The following IL1RAPL1 variants were observed in gnomAD, a reference collection of about 807,000 sequenced individuals.
IL1RAPL1 encodes the protein interleukin-1 receptor accessory protein-like 1.
Under a neutral mutation model 48.4 loss-of-function variants are expected in IL1RAPL1, and 3 were observed. The ratio of observed to expected loss-of-function variants is 0.06; its 90% CI spans 0.03 to 0.16. The LOEUF is 0.16. IL1RAPL1 is among the 10% of genes least tolerant of loss of function. IL1RAPL1 has a pLI of 1.00. For missense variants in IL1RAPL1, 349 were observed against 530.6 expected, an observed-to-expected ratio of 0.66 and a Z score of 3.36; for synonymous variants, 185 against 187.7, an observed-to-expected ratio of 0.99 and a Z score of 0.12.
chrX:28,915,270 A>G (rs772976502), intron 2 of IL1RAPL1, among the ~76,000 whole-genome samples: 1 of 111,533 alleles, frequency 9.0e-6, no homozygotes, highest in African/African-American at 3.3e-5. Flanking sequence ...GCCATAGACC[A>G]GTACCAGTCC....
chrX:29,942,995 A>G (rs2147252341), intron 9 of IL1RAPL1, among the ~76,000 whole-genome samples: 1 of 110,082 alleles, frequency 9.1e-6, no homozygotes. Context: ...AAAATGAGGC[A>G]ATTGCCTATG....
At chrX:28,836,372 G>C (rs865791563) in intron 2 of IL1RAPL1, among the ~76,000 whole-genome samples, 122 of 93,435 alleles carry the variant, frequency 1.3e-3, no homozygotes, top group African/African-American at 6.0e-3. Flanking sequence ...ATGACAGAGA[G>C]AGAGAGAGAG....
chrX:29,497,428 TTG>T (rs1181687129), intron 5 of IL1RAPL1, among the ~76,000 whole-genome samples: 7 of 112,016 alleles, frequency 6.2e-5, no homozygotes, highest in African/African-American at 2.3e-4. Context: ...AGAATAGCTG[TTG>T]ACAGTAATTA....
chrX:29,880,149 A>AGAT (rs200194048), intron 6 of IL1RAPL1, among the ~76,000 whole-genome samples: 1,121 of 111,567 alleles, frequency 0.01, 13 homozygotes, highest in African/African-American at 0.033. Flanking sequence ...ATGGAAAGAT[A>AGAT]GATACTATCA....
intron 1 of IL1RAPL1, among the ~76,000 whole-genome samples, chrX:28,656,563 G>T (rs374466285): frequency 3.6e-5 from 4 of 110,773 alleles, no homozygotes; most frequent in African/African-American, 1.3e-4. Context: ...CACAGCATTT[G>T]CCCTATGCCT....
At chrX:29,521,611 G>A (rs1935503794) in intron 5 of IL1RAPL1, among the ~76,000 whole-genome samples, 1 of 112,184 alleles carries the variant, frequency 8.9e-6, no homozygotes, top group Admixed American at 9.4e-5. Context: ...ACTTACAGTA[G>A]CAGAAAAGGT....
intron 1 of IL1RAPL1, among the ~76,000 whole-genome samples, chrX:28,644,118 G>GTT (rs1213943515): frequency 8.3e-5 from 9 of 107,929 alleles, no homozygotes; most frequent in African/African-American, 1.7e-4. Flanking sequence ...TCTCCTAAGT[G>GTT]TTATATATAT....
intron 6 of IL1RAPL1, among the ~76,000 whole-genome samples, chrX:29,730,399 C>G (rs960638376): frequency 8.9e-6 from 1 of 112,190 alleles, no homozygotes; most frequent in Non-Finnish European, 1.9e-5. Flanking sequence ...AACTAAGCAA[C>G]TTATTTCTAT....
chrX:29,740,122 G>GAAAAAAAAAAAAAAAAA (rs1172511347), intron 6 of IL1RAPL1, among the ~76,000 whole-genome samples: 1 of 52,330 alleles, frequency 1.9e-5, no homozygotes, highest in Non-Finnish European at 3.7e-5. Flanking sequence ...CAAAAAAACA[G>GAAAAAAAAAAAAAAAAA]AAAAAAAAAA....
chrX:29,558,994 T>C (rs1290018165), intron 5 of IL1RAPL1, among the ~76,000 whole-genome samples: 2 of 112,045 alleles, frequency 1.8e-5, no homozygotes, highest in African/African-American at 6.5e-5. Context: ...TTGCTCAAGG[T>C]TATTATGGCT....
At chrX:29,494,181 G>C (rs187967441) in intron 5 of IL1RAPL1, among the ~76,000 whole-genome samples, 1 of 111,769 alleles carries the variant, frequency 8.9e-6, no homozygotes, top group African/African-American at 3.3e-5. Flanking sequence ...GATTACAGGC[G>C]TAAGCCACCG....
intron 2 of IL1RAPL1, among the ~76,000 whole-genome samples, chrX:29,142,524 C>T (rs1047784162): frequency 8.9e-6 from 1 of 111,835 alleles, no homozygotes; most frequent in Non-Finnish European, 1.9e-5. Flanking sequence ...AATTTGAATA[C>T]GTACTATAGA....
rs1410332596 is a variant in IL1RAPL1, at chrX:29,014,862, T to G, written c.82+225437T>G. ...CTAATGCTTAGATATTTAAATGTGG[T>G]GATTATGCTCTCATGAATATTTAAA... On this transcript the variant is annotated intron_variant, in intron 2 of 10. Coordinates refer to ENST00000378993, the MANE Select transcript of IL1RAPL1 (RefSeq NM_014271.4). Among the ~76,000 whole-genome samples, 3 of 111,797 alleles carry G rather than the reference T, an allele frequency of 2.7e-5. No homozygotes were observed. In the East Asian group the frequency reaches 8.4e-4, roughly 31 times the overall value.
chrX:29,123,932 AAAATT>A (rs1928849539), intron 2 of IL1RAPL1, among the ~76,000 whole-genome samples: 1 of 100,555 alleles, frequency 9.9e-6, no homozygotes, highest in African/African-American at 4.0e-5. Flanking sequence ...GCATATTATT[AAAATT>A]AAATTTAGGG....
intron 2 of IL1RAPL1, among the ~76,000 whole-genome samples, chrX:29,234,003 T>A (rs1931246742): frequency 9.0e-6 from 1 of 111,336 alleles, no homozygotes; most frequent in Non-Finnish European, 1.9e-5. Flanking sequence ...GGAACAGAGA[T>A]CTATAACCAC....
intron 2 of IL1RAPL1, among the ~76,000 whole-genome samples, chrX:29,180,111 A>T (rs986938320): frequency 3.6e-5 from 4 of 110,243 alleles, no homozygotes; most frequent in African/African-American, 1.3e-4. Context: ...AGATTTCACT[A>T]ATCCTTGTAT....
At chrX:28,637,160 A>C (rs906708288) in intron 1 of IL1RAPL1, among the ~76,000 whole-genome samples, 2 of 111,300 alleles carry the variant, frequency 1.8e-5, no homozygotes, top group African/African-American at 3.3e-5. Context: ...ACCTTTTGCC[A>C]TGTCCCCCAC....
chrX:29,823,237 C>A (rs1291273637), intron 6 of IL1RAPL1, among the ~76,000 whole-genome samples: 1 of 111,297 alleles, frequency 9.0e-6, no homozygotes, highest in Non-Finnish European at 1.9e-5. Flanking sequence ...TGGGGAAATC[C>A]ACTATGAGAT....
At chrX:28,993,306 T>C (rs1925654536) in intron 2 of IL1RAPL1, among the ~76,000 whole-genome samples, 1 of 111,810 alleles carries the variant, frequency 8.9e-6, no homozygotes, top group Non-Finnish European at 1.9e-5. Context: ...ATTATTGCTA[T>C]ATGATATAAA....
Sources: allele counts gnomAD v4.1 joint callset (sites outside exome capture counted in the v4.1 genomes callset), GRCh38; gene constraint gnomAD v4.1.1; transcripts MANE v1.5; gene names NCBI Gene and HGNC (gene_info 2026-07-23, HGNC 2026-07-21).